The following BICC1 variants were observed in gnomAD, a reference collection of about 807,000 sequenced individuals.
The protein encoded by BICC1 is BicC family RNA binding protein 1.
In BICC1, 43 loss-of-function variants were observed where a neutral mutation model predicts 111.0. The observed-to-expected ratio is 0.39, with a 90% CI of 0.30 to 0.50. The LOEUF (loss-of-function observed/expected upper bound fraction) is 0.50, where lower values mean the gene tolerates loss of function less well. BICC1 is among the 20% of genes least tolerant of loss of function. BICC1 has a pLI of 0.88. For synonymous variants in BICC1, 467 were observed against 434.4 expected (o/e 1.07, Z -0.93); for missense variants, 1,091 against 1,203.2 (o/e 0.91, Z 1.38).
At chr10:58,741,433 C>A (rs4948315) in intron 3 of BICC1, among the ~76,000 whole-genome samples, 151,857 of 152,286 alleles carry the variant, frequency 1, 75,715 homozygotes, top group Middle Eastern at 1. Flanking sequence ...TACTGTAGTC[C>A]AAGAAGTTTG....
At chr10:58,823,398 T>C in intron 20 of BICC1, 1 of 985,048 alleles carries the variant, frequency 1.0e-6, no homozygotes, top group Non-Finnish European at 1.2e-6. Flanking sequence ...AATTCTAAAG[T>C]CTCTTCAGTA....
At chr10:58,648,467 C>G (rs1240317165) in intron 2 of BICC1, 1 of 965,736 alleles carries the variant, frequency 1.0e-6, no homozygotes, top group Non-Finnish European at 1.2e-6. Flanking sequence ...GTTATGTTCT[C>G]TGGCATGTAG....
chr10:58,680,953 G>C (rs1259674677), intron 2 of BICC1, among the ~76,000 whole-genome samples: 1 of 152,218 alleles, frequency 6.6e-6, no homozygotes, highest in Non-Finnish European at 1.5e-5. Flanking sequence ...ATGGTGTTGG[G>C]AAAACTGGCT....
At chr10:58,743,313 A>G (rs1203856933) in intron 3 of BICC1, among the ~76,000 whole-genome samples, 2 of 152,084 alleles carry the variant, frequency 1.3e-5, no homozygotes, top group African/African-American at 4.8e-5. Context: ...TCTCATCAAT[A>G]CCAGTCTGGC....
chr10:58,516,405 A>G (rs1325550602), intron 1 of BICC1, among the ~76,000 whole-genome samples: 4 of 152,186 alleles, frequency 2.6e-5, no homozygotes, highest in African/African-American at 7.2e-5. Flanking sequence ...ATGAAATACC[A>G]TTCTTAGATG....
At chr10:58,814,766 A>T (rs1034301918) in intron 18 of BICC1, among the ~76,000 whole-genome samples, 15 of 152,014 alleles carry the variant, frequency 9.9e-5, no homozygotes, top group African/African-American at 3.6e-4. Context: ...ACTGCACTAC[A>T]GCCTGGGTGA....
intron 1 of BICC1, among the ~76,000 whole-genome samples, chr10:58,571,818 A>G (rs996970726): frequency 6.6e-6 from 1 of 152,106 alleles, no homozygotes; most frequent in African/African-American, 2.4e-5. Context: ...ATGTGTTTTT[A>G]TAACAGAACG....
chr10:58,716,921 A>C (rs1840763265), intron 3 of BICC1, among the ~76,000 whole-genome samples: 1 of 151,634 alleles, frequency 6.6e-6, no homozygotes, highest in South Asian at 2.1e-4. Context: ...TACTGAGCTT[A>C]GTGTCATCCT....
At chr10:58,741,883 G>C (rs576374977) in intron 3 of BICC1, among the ~76,000 whole-genome samples, 238 of 152,258 alleles carry the variant, frequency 1.6e-3, no homozygotes, top group African/African-American at 5.5e-3. Flanking sequence ...ACCAGCAATA[G>C]GAAACTTGAA....
chr10:58,622,845 A>G (rs10740741), intron 2 of BICC1, among the ~76,000 whole-genome samples: 92,187 of 152,114 alleles, frequency 0.61, 28,223 homozygotes, highest in African/African-American at 0.66. Context: ...TTTACATGAC[A>G]TTTTGGGAAG....
chr10:58,621,246 T>C (rs1445051228), intron 2 of BICC1, among the ~76,000 whole-genome samples: 1 of 152,194 alleles, frequency 6.6e-6, no homozygotes, highest in Non-Finnish European at 1.5e-5. Flanking sequence ...AGGTACACTA[T>C]CCTATATGGT....
intron 17 of BICC1, among the ~76,000 whole-genome samples, chr10:58,812,899 A>C (rs1168968483): frequency 6.6e-6 from 1 of 152,180 alleles, no homozygotes; most frequent in African/African-American, 2.4e-5. Context: ...GGAAGGGAAG[A>C]GATCCTAGGA....
intron 2 of BICC1, among the ~76,000 whole-genome samples, chr10:58,666,065 A>G (rs1041330608): frequency 1.1e-4 from 17 of 152,240 alleles, no homozygotes; most frequent in Admixed American, 1.0e-3. Context: ...AATTTAAAGG[A>G]GCTTAATTGA....
At chr10:58,525,893 A>C (rs562337208) in intron 1 of BICC1, among the ~76,000 whole-genome samples, 1 of 152,020 alleles carries the variant, frequency 6.6e-6, no homozygotes, top group Non-Finnish European at 1.5e-5. Flanking sequence ...CTGTATTTCT[A>C]AGCAGTTTTC....
chr10:58,672,331 T>G (rs1206360948), intron 2 of BICC1, among the ~76,000 whole-genome samples: 1 of 152,100 alleles, frequency 6.6e-6, no homozygotes, highest in Non-Finnish European at 1.5e-5. Context: ...CTCAGTAGAT[T>G]TACTTTTTAA....
chr10:58,742,153 T>C (rs1841687275), intron 3 of BICC1, among the ~76,000 whole-genome samples: 1 of 1,694 alleles, frequency 5.9e-4, no homozygotes, highest in Non-Finnish European at 1.8e-3. Flanking sequence ...GTAGGCAGTT[T>C]GAAAACTTGT....
chr10:58,518,574 T>TTG (rs145171063), intron 1 of BICC1, among the ~76,000 whole-genome samples: 2,530 of 59,002 alleles, frequency 0.043, 156 homozygotes, highest in Middle Eastern at 0.1. Flanking sequence ...TGTGAATCCT[T>TTG]TGTGTATGTG....
At chr10:58,669,988 T>G (rs923066424) in intron 2 of BICC1, among the ~76,000 whole-genome samples, 4 of 152,168 alleles carry the variant, frequency 2.6e-5, no homozygotes, top group African/African-American at 9.6e-5. Flanking sequence ...GTGCTCTGTT[T>G]ATGTTATTGT....
At chr10:58,696,009 A>G (rs1284445179) in intron 2 of BICC1, among the ~76,000 whole-genome samples, 1 of 152,186 alleles carries the variant, frequency 6.6e-6, no homozygotes, top group East Asian at 1.9e-4. Flanking sequence ...AATTTTTTCA[A>G]TAGCTTACAG....
Sources: allele counts gnomAD v4.1 joint callset (sites outside exome capture counted in the v4.1 genomes callset), GRCh38; gene constraint gnomAD v4.1.1; transcripts MANE v1.5; gene names NCBI Gene and HGNC (gene_info 2026-07-23, HGNC 2026-07-21).